The following ANO4 variants were observed in gnomAD, a reference collection of about 807,000 sequenced individuals.
The protein encoded by ANO4 is anoctamin-4.
A neutral mutation model predicts 141.9 loss-of-function variants in ANO4; 69 were observed. The ratio of observed to expected loss-of-function variants is 0.49; its 90% CI spans 0.40 to 0.59. The LOEUF (loss-of-function observed/expected upper bound fraction) is 0.59, where lower values mean the gene tolerates loss of function less well. Ranked by LOEUF, ANO4 falls within the 20% of genes least tolerant of loss-of-function variation. The pLI is 0.00. For missense variants in ANO4, 894 were observed against 1,162.2 expected (o/e 0.77, Z 3.36); for synonymous variants, 350 against 394.3 (o/e 0.89, Z 1.33).
intron 22 of ANO4, among the ~76,000 whole-genome samples, chr12:101,108,511 G>A (rs1421953715): frequency 6.6e-6 from 1 of 152,164 alleles, no homozygotes; most frequent in Non-Finnish European, 1.5e-5. Flanking sequence ...AGGTTGTCAT[G>A]AAAATTAAAT....
At chr12:100,738,777 A>G (rs2135463902) in intron 2 of ANO4, among the ~76,000 whole-genome samples, 1 of 151,996 alleles carries the variant, frequency 6.6e-6, no homozygotes, top group East Asian at 1.9e-4. Context: ...CATGACCATC[A>G]TATCACAGTT....
chr12:101,007,172 G>A (rs1171279790), intron 8 of ANO4, among the ~76,000 whole-genome samples: 1 of 152,122 alleles, frequency 6.6e-6, no homozygotes, highest in Non-Finnish European at 1.5e-5. Context: ...GGCCAACGTG[G>A]CGAAACCCTG....
intron 2 of ANO4, among the ~76,000 whole-genome samples, chr12:100,907,931 T>G (rs773384703): frequency 1.3e-5 from 2 of 151,460 alleles, no homozygotes; most frequent in Non-Finnish European, 3.0e-5. Flanking sequence ...TTCCTTTAAT[T>G]GATATCCTGT....
At chr12:100,884,210 A>G (rs2039708721) in intron 1 of ANO4, among the ~76,000 whole-genome samples, 1 of 152,250 alleles carries the variant, frequency 6.6e-6, no homozygotes, top group African/African-American at 2.4e-5. Flanking sequence ...TAATTGCACC[A>G]TTGTTAGCAT....
At chr12:100,843,719 G>A (rs1467882138) in intron 1 of ANO4, among the ~76,000 whole-genome samples, 1 of 152,176 alleles carries the variant, frequency 6.6e-6, no homozygotes, top group Non-Finnish European at 1.5e-5. Context: ...AATAAGGAGA[G>A]AGGAATGGCT....
chr12:100,850,883 A>G (rs2135849455), intron 1 of ANO4, among the ~76,000 whole-genome samples: 1 of 152,224 alleles, frequency 6.6e-6, no homozygotes, highest in South Asian at 2.1e-4. Flanking sequence ...AAAATTACAT[A>G]TTTTTTCAGG....
chr12:101,121,870 C>A (rs2051110968), intron 26 of ANO4, among the ~76,000 whole-genome samples: 2 of 148,232 alleles, frequency 1.3e-5, no homozygotes, highest in Non-Finnish European at 3.0e-5. Context: ...TCAAGTAATT[C>A]TCTGCCTCAG....
At chr12:100,865,796 A>G (rs893361554) in intron 1 of ANO4, among the ~76,000 whole-genome samples, 1 of 152,202 alleles carries the variant, frequency 6.6e-6, no homozygotes. Context: ...CGTGTAAGAA[A>G]AGCACAGGGA....
chr12:101,096,503 G>A (rs775923293), intron 18 of ANO4, 33 bp from the exon 19 acceptor site: 4 of 1,530,594 alleles, frequency 2.6e-6, no homozygotes, highest in African/African-American at 1.4e-5. Context: ...ATGAGATTCA[G>A]CCTTTCAAAC....
At chr12:100,984,220 C>A (rs1425689386) in intron 7 of ANO4, among the ~76,000 whole-genome samples, 1 of 152,162 alleles carries the variant, frequency 6.6e-6, no homozygotes, top group Non-Finnish European at 1.5e-5. Flanking sequence ...CCTCAACCTC[C>A]TAAGTAGCTG....
intron 11 of ANO4, 91 bp downstream of exon 11, chr12:101,040,167 A>G: frequency 1.4e-6 from 2 of 1,469,748 alleles, no homozygotes; most frequent in Middle Eastern, 1.9e-4. Flanking sequence ...AAGCAAAAAG[A>G]GCCTGAAGTG....
chr12:100,899,658 T>C (rs1392182818), intron 1 of ANO4, among the ~76,000 whole-genome samples: 1 of 152,230 alleles, frequency 6.6e-6, no homozygotes, highest in East Asian at 1.9e-4. Flanking sequence ...ATATCCTCTT[T>C]TTCCCCTGGG....
At chr12:100,810,902 C>G (rs1461890802) in intron 1 of ANO4, among the ~76,000 whole-genome samples, 1 of 152,130 alleles carries the variant, frequency 6.6e-6, no homozygotes, top group Non-Finnish European at 1.5e-5. Flanking sequence ...ATGAGCCACA[C>G]TGGATTGTGT....
chr12:100,788,550 ACC>A (rs1353717892), intron 3 of ANO4, among the ~76,000 whole-genome samples: 1 of 152,156 alleles, frequency 6.6e-6, no homozygotes, highest in Non-Finnish European at 1.5e-5. Flanking sequence ...TTGTTATACT[ACC>A]CTGAGCTCCA....
chr12:101,008,085 T>C (rs1255635983), intron 8 of ANO4, among the ~76,000 whole-genome samples: 2 of 152,344 alleles, frequency 1.3e-5, no homozygotes, highest in Non-Finnish European at 1.5e-5. Context: ...TCTGACTTTA[T>C]TTCAATGTGG....
At chr12:101,028,796 A>T (rs2046847450) in intron 9 of ANO4, among the ~76,000 whole-genome samples, 1 of 152,234 alleles carries the variant, frequency 6.6e-6, no homozygotes, top group Non-Finnish European at 1.5e-5. Flanking sequence ...ACCTAGGAAG[A>T]CAGGCCAATA....
chr12:100,863,975 G>A (rs1444929829), intron 1 of ANO4, among the ~76,000 whole-genome samples: 6 of 152,276 alleles, frequency 3.9e-5, no homozygotes, highest in African/African-American at 4.8e-5. Context: ...CAGGGAGCTC[G>A]AACAGTGTCA....
chr12:101,087,330 T>A (rs114874811), intron 17 of ANO4, among the ~76,000 whole-genome samples: 2,306 of 150,368 alleles, frequency 0.015, 51 homozygotes, highest in African/African-American at 0.054. Flanking sequence ...CCAGCCTAGG[T>A]AACATAGTGG....
At chr12:100,812,881 A>AGG (rs1163830351) in intron 1 of ANO4, among the ~76,000 whole-genome samples, 1 of 152,264 alleles carries the variant, frequency 6.6e-6, no homozygotes, top group Non-Finnish European at 1.5e-5. Context: ...TTGTAAAAGC[A>AGG]GTCGGCAAGG....
Sources: allele counts gnomAD v4.1 joint callset (sites outside exome capture counted in the v4.1 genomes callset), GRCh38; gene constraint gnomAD v4.1.1; transcripts MANE v1.5; gene names NCBI Gene and HGNC (gene_info 2026-07-23, HGNC 2026-07-21).